LINGO2: variants seen among roughly 807,000 people sequenced by gnomAD.
The protein encoded by LINGO2 is leucine-rich repeat and immunoglobulin-like domain-containing nogo receptor-interacting protein 2.
In LINGO2, 14 loss-of-function variants were observed where a neutral mutation model predicts 30.6. The ratio of observed to expected loss-of-function variants is 0.46; its 90% CI spans 0.30 to 0.72. LINGO2 has a LOEUF of 0.72. LINGO2 is among the 30% of genes least tolerant of loss of function. The pLI, the probability that LINGO2 is intolerant of heterozygous loss-of-function variation, is 0.07. For missense variants in LINGO2, 729 were observed against 751.7 expected (o/e 0.97, Z 0.35); for synonymous variants, 317 against 288.5 (o/e 1.10, Z -1.00).
chr9:28,608,284 T>C (rs1025546338), intron 1 of LINGO2, among the ~76,000 whole-genome samples: 1 of 151,954 alleles, frequency 6.6e-6, no homozygotes, highest in African/African-American at 2.4e-5. Context: ...TAAGGCTCTT[T>C]ATAATAATGA....
chr9:29,082,310 A>T, the LINGO2 span, among the ~76,000 whole-genome samples: 1 of 152,320 alleles, frequency 6.6e-6, no homozygotes, highest in East Asian at 1.9e-4. Context: ...GACAAACCTG[A>T]CAAACACAAG....
At chr9:28,767,066 G>T in the LINGO2 span, among the ~76,000 whole-genome samples, 1 of 151,190 alleles carries the variant, frequency 6.6e-6, no homozygotes, top group East Asian at 1.9e-4. Context: ...ATAGTATGGT[G>T]GTTACCAGGT....
At chr9:28,720,206 T>C in the LINGO2 span, among the ~76,000 whole-genome samples, 31 of 152,052 alleles carry the variant, frequency 2.0e-4, no homozygotes, top group South Asian at 6.2e-3. Flanking sequence ...ATCCAAGCAC[T>C]TCATTTTTTT....
upstream of LINGO2, among the ~76,000 whole-genome samples, chr9:28,673,869 A>G (rs147159873): frequency 3.2e-3 from 487 of 152,162 alleles, 4 homozygotes; most frequent in Non-Finnish European, 3.9e-3. Context: ...ACGTTTATAA[A>G]CAGAAGACAA....
At chr9:28,793,422 C>A in the LINGO2 span, among the ~76,000 whole-genome samples, 1 of 152,182 alleles carries the variant, frequency 6.6e-6, no homozygotes, top group African/African-American at 2.4e-5. Context: ...CTTTTTCGAT[C>A]ACACCCTCTG....
chr9:28,528,966 T>C (rs1441349752), intron 1 of LINGO2, among the ~76,000 whole-genome samples: 2 of 152,190 alleles, frequency 1.3e-5, no homozygotes, highest in Non-Finnish European at 2.9e-5. Context: ...TTAAGTGTTA[T>C]TCAAATTATT....
chr9:28,655,552 G>T (rs187288790), intron 1 of LINGO2, among the ~76,000 whole-genome samples: 37 of 152,038 alleles, frequency 2.4e-4, no homozygotes, highest in African/African-American at 8.7e-4. Context: ...GAATAATATG[G>T]TTAGATTTTG....
chr9:28,711,360 T>C, the LINGO2 span, among the ~76,000 whole-genome samples: 20 of 152,134 alleles, frequency 1.3e-4, no homozygotes, highest in East Asian at 1.4e-3. Context: ...ATCTGTAAAA[T>C]AGTGATAACA....
chr9:28,867,478 A>C, the LINGO2 span, among the ~76,000 whole-genome samples: 1 of 151,708 alleles, frequency 6.6e-6, no homozygotes, highest in Non-Finnish European at 1.5e-5. Flanking sequence ...ATGTCTTTCA[A>C]GTAAAGAAAA....
chr9:28,740,703 T>C, the LINGO2 span, among the ~76,000 whole-genome samples: 1 of 152,156 alleles, frequency 6.6e-6, no homozygotes, highest in South Asian at 2.1e-4. Flanking sequence ...TGTATATATT[T>C]TTTATTCAAA....
At chr9:28,850,183 C>T in the LINGO2 span, among the ~76,000 whole-genome samples, 4 of 152,122 alleles carry the variant, frequency 2.6e-5, no homozygotes, top group East Asian at 7.7e-4. Context: ...ACTCTTCCAG[C>T]AGTTACAAAA....
the LINGO2 span, among the ~76,000 whole-genome samples, chr9:28,915,086 C>G: frequency 6.6e-6 from 1 of 152,134 alleles, no homozygotes; most frequent in Non-Finnish European, 1.5e-5. Context: ...AAGCCGAGAT[C>G]ATGCCATTGC....
chr9:28,580,154 G>A (rs991250311), intron 1 of LINGO2, among the ~76,000 whole-genome samples: 1 of 152,076 alleles, frequency 6.6e-6, no homozygotes, highest in Non-Finnish European at 1.5e-5. Flanking sequence ...TATGTCCCTA[G>A]TAATTGGAGA....
At chr9:28,321,578 T>C (rs575794062) in intron 3 of LINGO2, among the ~76,000 whole-genome samples, 17 of 152,218 alleles carry the variant, frequency 1.1e-4, no homozygotes, top group Admixed American at 1.1e-3. Flanking sequence ...ACTGGAAATA[T>C]ATTAAAAGTT....
intron 5 of LINGO2, among the ~76,000 whole-genome samples, chr9:28,004,399 A>G (rs1474040002): frequency 6.6e-6 from 1 of 152,196 alleles, no homozygotes; most frequent in African/African-American, 2.4e-5. Flanking sequence ...GTATTGTACA[A>G]ATAGTATATG....
chr9:29,060,957 G>GA, the LINGO2 span, among the ~76,000 whole-genome samples: 1 of 151,668 alleles, frequency 6.6e-6, no homozygotes, highest in East Asian at 1.9e-4. Context: ...GATTACAGCA[G>GA]AAAAAAATAT....
intron 4 of LINGO2, among the ~76,000 whole-genome samples, chr9:28,031,050 T>TA (rs1823644768): frequency 2.0e-5 from 3 of 152,170 alleles, no homozygotes; most frequent in South Asian, 2.1e-4. Context: ...ATTCTAATAT[T>TA]GATTCTATAA....
chr9:28,175,777 CT>C (rs1477300978), intron 4 of LINGO2, among the ~76,000 whole-genome samples: 5 of 152,176 alleles, frequency 3.3e-5, no homozygotes, highest in Non-Finnish European at 7.4e-5. Context: ...CCTGTTCACT[CT>C]TATTACAATG....
rs190557941 is a variant in LINGO2, at chr9:28,380,631, G to A, written c.-278-7763C>T. On this transcript the variant is annotated intron_variant, in intron 2 of 5. Coordinates refer to ENST00000379992, the Ensembl canonical transcript of LINGO2. ...AGATGAGAAACACCATATCGTGGAGGTCATTCAATGTCAAGCTTAATATTT... is the reference window on the plus strand; with the variant it reads ...AGATGAGAAACACCATATCGTGGAGATCATTCAATGTCAAGCTTAATATTT... 1.3e-5 allele frequency among the ~76,000 whole-genome samples: 2 copies of A among 152,116 alleles called. 1 individual carries two copies. Among genetic ancestry groups the A allele is most frequent in the Admixed American group, 1.3e-4 (2 of 15,242 alleles).
Sources: allele counts gnomAD v4.1 joint callset (sites outside exome capture counted in the v4.1 genomes callset), GRCh38; gene constraint gnomAD v4.1.1; transcripts MANE v1.5; gene names NCBI Gene and HGNC (gene_info 2026-07-23, HGNC 2026-07-21).